The following NVL variants were observed in gnomAD, a reference collection of about 807,000 sequenced individuals.
NVL encodes the protein nuclear VCP like, also known as nuclear valosin-containing protein-like.
Under a neutral mutation model 110.2 loss-of-function variants are expected in NVL, and 84 were observed. That is an observed-to-expected ratio of 0.76 (90% CI 0.64 to 0.91). The LOEUF (loss-of-function observed/expected upper bound fraction) is 0.91. NVL is among the 40% of genes least tolerant of loss of function. The pLI is 0.00. For synonymous variants in NVL, 354 were observed against 361.1 expected, an observed-to-expected ratio of 0.98 and a Z score of 0.22; for missense variants, 882 against 1,035.9, an observed-to-expected ratio of 0.85 and a Z score of 2.04.
intron 19 of NVL, among the ~76,000 whole-genome samples, chr1:224,247,777 CT>C (rs1662024949): frequency 6.6e-6 from 1 of 152,152 alleles, no homozygotes; most frequent in African/African-American, 2.4e-5. Flanking sequence ...TCCCAAAGTG[CT>C]GGGATTACAG....
At chr1:224,313,256 C>T (rs1374734707) in intron 4 of NVL, 2 of 142,994 alleles carry the variant, frequency 1.4e-5, no homozygotes, top group African/African-American at 5.2e-5. Context: ...TAAGGTATAT[C>T]ATTCAACTAT....
intron 18 of NVL, among the ~76,000 whole-genome samples, chr1:224,257,987 G>A (rs145149739): frequency 1.3e-5 from 2 of 152,178 alleles, no homozygotes; most frequent in African/African-American, 2.4e-5. Flanking sequence ...AGTGACCTTC[G>A]GTTAGGCAAT....
intron 18 of NVL, among the ~76,000 whole-genome samples, chr1:224,251,959 A>G (rs1214965084): frequency 2.0e-5 from 3 of 152,022 alleles, no homozygotes; most frequent in Admixed American, 1.3e-4. Flanking sequence ...TACACGTCCA[A>G]TTCTCTCAAA....
intron 4 of NVL, among the ~76,000 whole-genome samples, chr1:224,315,239 G>A (rs897135062): frequency 6.6e-6 from 1 of 152,024 alleles, no homozygotes; most frequent in African/African-American, 2.4e-5. Flanking sequence ...ATTTTCTGTA[G>A]AGACAGAGTC....
chr1:224,279,112 A>G (rs1453675580), intron 16 of NVL, among the ~76,000 whole-genome samples: 1 of 152,226 alleles, frequency 6.6e-6, no homozygotes, highest in Non-Finnish European at 1.5e-5. Context: ...AAAATCTCAC[A>G]AATATATGCA....
At chr1:224,266,116 T>C (rs1381674991) in intron 18 of NVL, among the ~76,000 whole-genome samples, 1 of 152,212 alleles carries the variant, frequency 6.6e-6, no homozygotes, top group African/African-American at 2.4e-5. Flanking sequence ...TCCTTACTAA[T>C]TTATGCTCCT....
Position 224,289,464 on chromosome 1 carries a change from G to C in NVL, c.1575+20C>G. ...AAAGAACATTAAAAGGACAATTTAA[G>C]GTGCCTTTAGAGAAAGCACCTGTGT... On this transcript the variant is annotated intron_variant, in intron 13 of 22. Transcript: ENST00000281701. 1.2e-6 allele frequency: 2 copies of C among 1,612,168 alleles called. No individual in the cohort carries two copies. The highest frequency in any genetic ancestry group is 1.7e-6 in the Non-Finnish European group (2 of 1,179,274).
chr1:224,270,436 T>C (rs1159109791), intron 17 of NVL, among the ~76,000 whole-genome samples: 1 of 152,136 alleles, frequency 6.6e-6, no homozygotes, highest in Non-Finnish European at 1.5e-5. Flanking sequence ...TGGGAACCTG[T>C]AATCCCAGCT....
chr1:224,259,088 T>G (rs1254579423), intron 18 of NVL, among the ~76,000 whole-genome samples: 1 of 149,076 alleles, frequency 6.7e-6, no homozygotes, highest in African/African-American at 2.5e-5. Flanking sequence ...TTAAGGGTGA[T>G]GAACATTTTT....
intron 16 of NVL, among the ~76,000 whole-genome samples, chr1:224,277,377 A>C (rs1047849730): frequency 3.3e-5 from 5 of 152,210 alleles, no homozygotes; most frequent in Non-Finnish European, 5.9e-5. Flanking sequence ...TGCTGAAGCA[A>C]AATATTCAGT....
chr1:224,244,975 T>C (rs1438428592), intron 19 of NVL, among the ~76,000 whole-genome samples: 1 of 152,106 alleles, frequency 6.6e-6, no homozygotes, highest in East Asian at 1.9e-4. Context: ...TGTGAGCCAC[T>C]GTACCTGGCC....
chr1:224,279,412 G>T (rs887091965), intron 16 of NVL, among the ~76,000 whole-genome samples: 3 of 152,052 alleles, frequency 2.0e-5, no homozygotes, highest in Admixed American at 1.3e-4. Flanking sequence ...TACTTCCAGA[G>T]ACCCTGTCTC....
chr1:224,312,913 T>C (rs1669673381), intron 4 of NVL: 1 of 149,672 alleles, frequency 6.7e-6, no homozygotes, highest in East Asian at 1.9e-4. Flanking sequence ...AAGCTTTATA[T>C]GAATGCAATG....
chr1:224,266,188 C>CT (rs907972021), intron 18 of NVL, among the ~76,000 whole-genome samples: 1 of 152,070 alleles, frequency 6.6e-6, no homozygotes, highest in Non-Finnish European at 1.5e-5. Context: ...TTCAATGAGG[C>CT]TTTTTTGAGA....
At chr1:224,277,744 T>C (rs1228402902) in intron 16 of NVL, among the ~76,000 whole-genome samples, 1 of 152,204 alleles carries the variant, frequency 6.6e-6, no homozygotes, top group Non-Finnish European at 1.5e-5. Context: ...TTTGCAAACA[T>C]CATTATTAAA....
chr1:224,247,789 G>A (rs1267392125), intron 19 of NVL, among the ~76,000 whole-genome samples: 1 of 152,172 alleles, frequency 6.6e-6, no homozygotes, highest in Non-Finnish European at 1.5e-5. Flanking sequence ...GGGATTACAG[G>A]CCTGAGCCAC....
At chr1:224,301,324 C>T (rs1668386907) in intron 9 of NVL, among the ~76,000 whole-genome samples, 2 of 152,014 alleles carry the variant, frequency 1.3e-5, no homozygotes, top group South Asian at 4.1e-4. Context: ...AGGCTGGTCC[C>T]AAACTCCTGG....
chr1:224,306,907 G>A (rs1668977404), intron 6 of NVL, among the ~76,000 whole-genome samples: 1 of 152,142 alleles, frequency 6.6e-6, no homozygotes, highest in African/African-American at 2.4e-5. Context: ...ATAGATGGAT[G>A]ATATGGATAA....
At chr1:224,286,163 C>G in intron 14 of NVL, 33 bp from the exon 15 acceptor site, 1 of 1,458,608 alleles carries the variant, frequency 6.9e-7, no homozygotes, top group Non-Finnish European at 9.6e-7. Flanking sequence ...CGATCCATTA[C>G]ATGTCCATTT....
Sources: gnomAD v4.1 joint callset for allele counts (sites outside exome capture counted in the v4.1 genomes callset) on GRCh38, gnomAD v4.1.1 for gene constraint, MANE v1.5 for transcripts, NCBI Gene and HGNC (gene_info 2026-07-23, HGNC 2026-07-21) for gene names.